The following PSMG2 variants were observed in gnomAD, a reference collection of about 807,000 sequenced individuals.
PSMG2 encodes the protein proteasome assembly chaperone 2.
Under a neutral mutation model 31.5 loss-of-function variants are expected in PSMG2, and 21 were observed. The ratio of observed to expected loss-of-function variants is 0.67; its 90% CI spans 0.47 to 0.96. The LOEUF (loss-of-function observed/expected upper bound fraction) is 0.96, where lower values mean the gene tolerates loss of function less well. PSMG2 is among the 40% of genes least tolerant of loss of function. PSMG2 has a pLI of 0.00. For synonymous variants in PSMG2, 120 were observed against 110.4 expected, an observed-to-expected ratio of 1.09 and a Z score of -0.54; for missense variants, 318 against 321.2, an observed-to-expected ratio of 0.99 and a Z score of 0.08.
chr18:12,673,220 T>C (rs945805466), intron 1 of PSMG2: 2 of 1,367,090 alleles, frequency 1.5e-6, no homozygotes, highest in Non-Finnish European at 1.9e-6. Context: ...TTTTTAAACA[T>C]TACCAGTCAA....
In PSMG2 at chr18:12,696,883, A is replaced by G. The variant is rs537053708; in HGVS notation, c.-36-9667A>G. Reference sequence around the variant, plus strand: ...GTATTCCAGGGTGTGATGACTGGACACACATAAGTTTGTATGTGTGTCAAG... The same window carrying G: ...GTATTCCAGGGTGTGATGACTGGACGCACATAAGTTTGTATGTGTGTCAAG... On this transcript the variant is annotated intron_variant, in intron 1 of 6. Coordinates refer to the PSMG2 transcript ENST00000585331. Among the ~76,000 whole-genome samples, 3 of 152,318 alleles carry G rather than the reference A, an allele frequency of 2.0e-5. No individual in the cohort carries two copies. In the East Asian group the frequency reaches 5.8e-4, roughly 29 times the overall value.
At chr18:12,686,355 A>G in intron 1 of PSMG2, 1 of 1,614,134 alleles carries the variant, frequency 6.2e-7, no homozygotes, top group African/African-American at 1.3e-5. Flanking sequence ...CAAGGACATT[A>G]ACAAATCTTG....
In PSMG2 at chr18:12,689,396, CAG is replaced by C. The variant is rs935845852; in HGVS notation, c.-36-17152_-36-17151del. ...CACCAGTTGAAACTCCAATTTGACA[CAG>C]ACTTTGCCATGACTGAGTTGCTGTT... is the stretch of plus-strand genomic sequence containing the variant. On this transcript the variant is annotated intron_variant, in intron 1 of 6. Coordinates refer to the PSMG2 transcript ENST00000585331. Among the ~76,000 whole-genome samples the C allele has an allele frequency of 7.2e-5, 11 of 152,284 alleles. No individual in the cohort carries two copies. The East Asian group carries it at 2.1e-3, about 29-fold the overall frequency.
At chr18:12,703,227 A>G in intron 1 of PSMG2, 63 bp downstream of exon 1, 1 of 1,507,042 alleles carries the variant, frequency 6.6e-7, no homozygotes. Context: ...CGCCACCCCG[A>G]CGCGGGGTGT....
upstream of PSMG2, chr18:12,699,258 G>A (rs2040068114): frequency 5.8e-6 from 7 of 1,207,262 alleles, no homozygotes; most frequent in East Asian, 2.4e-5. Context: ...AAAAGAATGT[G>A]ATCAAGACAT....
In PSMG2 at chr18:12,725,701, A is replaced by C. The variant is rs555556042; in HGVS notation, c.*170A>C. 3.9e-4 allele frequency: 175 copies of C among 447,286 alleles called. No individual in the cohort carries two copies. Among genetic ancestry groups the C allele is most frequent in the Admixed American group, 8.4e-4 (20 of 23,788 alleles). The allele number at this position is 447,286 out of a possible 1,614,324, so 27.7% of individuals were successfully genotyped here. A position where few individuals can be genotyped will look rare whatever the true frequency, so the allele number is the denominator to read the frequency against. On this transcript the variant is annotated 3_prime_UTR_variant, in exon 7 of 7. Transcript: ENST00000317615. ...GCCATGCTTTTCATCATATGCACCAAATGTAAATTTTGTACAATAAAATTT... is the reference window on the plus strand; with the variant it reads ...GCCATGCTTTTCATCATATGCACCACATGTAAATTTTGTACAATAAAATTT...
At position 12,708,785 on chromosome 18, in the gene PSMG2, C is replaced by T. The variant is rs561035666; in HGVS notation, c.229+2064C>T. Among the ~76,000 whole-genome samples the T allele has an allele frequency of 3.5e-5, 5 of 141,418 alleles. No individual in the cohort carries two copies. The East Asian group carries it at 1.1e-3, about 30-fold the overall frequency. 92.8% of individuals were successfully genotyped at this position (141,418 alleles called of 152,430 possible). Reference sequence around the variant, plus strand: ...CAATGGCACAATCTCGGCTCACTGCCACCTCTGCCTCCCGGGTTCAAGCGA... The same window carrying T: ...CAATGGCACAATCTCGGCTCACTGCTACCTCTGCCTCCCGGGTTCAAGCGA... On this transcript the variant is annotated intron_variant, in intron 2 of 6. Coordinates refer to ENST00000317615, the MANE Select transcript of PSMG2 (RefSeq NM_020232.5).
chr18:12,716,084 G>A (rs1217689990), intron 3 of PSMG2, among the ~76,000 whole-genome samples: 5 of 152,158 alleles, frequency 3.3e-5, no homozygotes, highest in South Asian at 2.1e-4. Context: ...TAGTTCATTC[G>A]TTCTCATTTC....
chr18:12,703,445 T>C (rs1178731540), intron 1 of PSMG2, among the ~76,000 whole-genome samples: 1 of 152,246 alleles, frequency 6.6e-6, no homozygotes, highest in Non-Finnish European at 1.5e-5. Context: ...ACTTATGTTT[T>C]GCAGGGCATC....
At chr18:12,717,740 C>T (rs2040391304) in intron 3 of PSMG2, among the ~76,000 whole-genome samples, 1 of 152,168 alleles carries the variant, frequency 6.6e-6, no homozygotes, top group South Asian at 2.1e-4. Flanking sequence ...TAAAACTGGC[C>T]TGCCCCTCTT....
chr18:12,706,551 C>T lies in PSMG2; in HGVS notation c.59C>T (p.Pro20Leu). The T allele has an allele frequency of 6.2e-7, 1 of 1,613,046 alleles. No individual in the cohort carries two copies. Among genetic ancestry groups the T allele is most frequent in the Non-Finnish European group, 8.5e-7 (1 of 1,179,748 alleles). The change falls in exon 2 of 7, where the codon CCA (proline) becomes CTA (leucine). Residue 20 changes from proline (P) to leucine (L), a missense_variant and splice_region_variant. Transcript: ENST00000317615. ...PDLAGFTLLM[P>L]AVSVGNVGQL... is the part of the protein sequence containing the mutation. ...TGAACATATCTTTTATAATTTCAGC[C>T]AGCAGTATCTGTTGGAAATGTTGGC...
intron 3 of PSMG2, among the ~76,000 whole-genome samples, chr18:12,715,201 G>A (rs1322435311): frequency 6.6e-6 from 1 of 151,612 alleles, no homozygotes; most frequent in African/African-American, 2.4e-5. Context: ...TAGAGATGGG[G>A]TTTCACCATG....
intron 1 of PSMG2, among the ~76,000 whole-genome samples, chr18:12,667,809 C>T (rs2038834837): frequency 7.4e-6 from 1 of 134,268 alleles, no homozygotes; most frequent in African/African-American, 2.7e-5. Flanking sequence ...ATTCACTTAA[C>T]ACAGAAGAAA....
At chr18:12,666,426 A>C (rs1397835317) in intron 1 of PSMG2, among the ~76,000 whole-genome samples, 1 of 149,466 alleles carries the variant, frequency 6.7e-6, no homozygotes, top group Non-Finnish European at 1.5e-5. Context: ...AGGGTTAACA[A>C]AATTTTATGG....
chr18:12,721,099 G>C (rs1325660815), intron 5 of PSMG2, among the ~76,000 whole-genome samples: 1 of 149,904 alleles, frequency 6.7e-6, no homozygotes, highest in Non-Finnish European at 1.5e-5. Flanking sequence ...AGAATGGTGT[G>C]AACCCGAGAG....
chr18:12,705,256 G>C (rs1047573764), intron 1 of PSMG2, among the ~76,000 whole-genome samples: 3 of 152,034 alleles, frequency 2.0e-5, no homozygotes, highest in Non-Finnish European at 4.4e-5. Flanking sequence ...TAGAGACAGG[G>C]TTTCACCATG....
At chr18:12,699,583 G>A (rs2040081101), upstream of PSMG2, among the ~76,000 whole-genome samples, 1 of 152,232 alleles carries the variant, frequency 6.6e-6, no homozygotes, top group East Asian at 1.9e-4. Flanking sequence ...AAGCAAGGCT[G>A]TACAGTTTTT....
chr18:12,694,171 A>G (rs1489762700), intron 1 of PSMG2, among the ~76,000 whole-genome samples: 3 of 152,196 alleles, frequency 2.0e-5, no homozygotes, highest in Non-Finnish European at 4.4e-5. Flanking sequence ...ACCACCCATG[A>G]CACATGTCAG....
At chr18:12,687,758 G>A (rs926670679) in intron 1 of PSMG2, among the ~76,000 whole-genome samples, 2 of 151,530 alleles carry the variant, frequency 1.3e-5, no homozygotes, top group Non-Finnish European at 2.9e-5. Context: ...TGGCCTAGAG[G>A]GCACCGATTT....
Sources: gnomAD v4.1 joint callset for allele counts (sites outside exome capture counted in the v4.1 genomes callset) on GRCh38, gnomAD v4.1.1 for gene constraint, MANE v1.5 for transcripts, NCBI Gene and HGNC (gene_info 2026-07-23, HGNC 2026-07-21) for gene names.